SKIC3: variants seen among roughly 807,000 people sequenced by gnomAD.
SKIC3 encodes superkiller complex protein 3.
chr5:95,495,095 T>G, the SKIC3 span: 2 of 1,402,132 alleles, frequency 1.4e-6, no homozygotes, highest in East Asian at 2.3e-5. Context: ...TGATAAGACC[T>G]TTCCACTAAA....
the SKIC3 span, among the ~76,000 whole-genome samples, chr5:95,493,918 T>C: frequency 6.6e-6 from 1 of 152,122 alleles, no homozygotes; most frequent in Non-Finnish European, 1.5e-5. Context: ...CACGCTTAAG[T>C]AACATTCCTC....
chr5:95,498,627 C>CA, the SKIC3 span: 2 of 1,354,596 alleles, frequency 1.5e-6, no homozygotes, highest in Non-Finnish European at 2.0e-6. Context: ...ATTAGTTAGT[C>CA]TTTTTTTTTT....
At chr5:95,532,069 C>T in the SKIC3 span, among the ~76,000 whole-genome samples, 6 of 152,102 alleles carry the variant, frequency 3.9e-5, no homozygotes, top group African/African-American at 1.4e-4. Flanking sequence ...TCAGTCTAAA[C>T]ACCCTGCCTC....
chr5:95,519,534 C>T, the SKIC3 span, among the ~76,000 whole-genome samples: 56 of 151,600 alleles, frequency 3.7e-4, no homozygotes, highest in Middle Eastern at 3.2e-3. Context: ...AGCAAAATTT[C>T]TAAAATTGAC....
At chr5:95,481,693 C>T in the SKIC3 span, among the ~76,000 whole-genome samples, 46 of 152,026 alleles carry the variant, frequency 3.0e-4, no homozygotes, top group African/African-American at 9.6e-4. Flanking sequence ...AGAAAACTTA[C>T]TCTAAGAAAG....
At chr5:95,543,232 G>T in the SKIC3 span, 2 of 1,613,920 alleles carry the variant, frequency 1.2e-6, no homozygotes, top group South Asian at 1.1e-5. Context: ...CTTTTTTATA[G>T]GCACTCTGGG....
chr5:95,468,115 T>G, the SKIC3 span: 1 of 1,202,610 alleles, frequency 8.3e-7, no homozygotes, highest in East Asian at 2.5e-5. Flanking sequence ...TTATGATTTT[T>G]TAATTCAGAT....
chr5:95,502,210 A>C, the SKIC3 span, among the ~76,000 whole-genome samples: 1 of 152,106 alleles, frequency 6.6e-6, no homozygotes, highest in African/African-American at 2.4e-5. Flanking sequence ...GGAGGCAAGG[A>C]TATAAGCTTT....
the SKIC3 span, chr5:95,516,390 T>C: frequency 9.3e-6 from 15 of 1,613,104 alleles, no homozygotes; most frequent in East Asian, 2.9e-4. Flanking sequence ...CACTCCCAAG[T>C]TGGTCCATGC....
the SKIC3 span, among the ~76,000 whole-genome samples, chr5:95,520,386 T>C: frequency 6.6e-6 from 1 of 150,592 alleles, no homozygotes; most frequent in African/African-American, 2.4e-5. Flanking sequence ...TCGGTTCCAA[T>C]TAAAGATACT....
chr5:95,516,343 A>G, the SKIC3 span: 1 of 1,612,620 alleles, frequency 6.2e-7, no homozygotes, highest in African/African-American at 1.3e-5. Flanking sequence ...CAGACAGGCA[A>G]CATATTTACC....
chr5:95,516,978 G>A, the SKIC3 span: 3 of 1,613,324 alleles, frequency 1.9e-6, no homozygotes, highest in Non-Finnish European at 1.7e-6. Flanking sequence ...TCTGCTAGAT[G>A]TTGTGCTTGG....
chr5:95,496,468 GGT>G, the SKIC3 span, among the ~76,000 whole-genome samples: 1 of 152,096 alleles, frequency 6.6e-6, no homozygotes, highest in African/African-American at 2.4e-5. Flanking sequence ...TAAGGTTCAA[GGT>G]GAATCAGAAT....
At chr5:95,497,752 T>G in the SKIC3 span, among the ~76,000 whole-genome samples, 22 of 152,234 alleles carry the variant, frequency 1.4e-4, no homozygotes, top group South Asian at 1.7e-3. Flanking sequence ...TTAAGGAAAT[T>G]TAACACACTG....
chr5:95,499,245 G>A, the SKIC3 span, among the ~76,000 whole-genome samples: 1 of 152,126 alleles, frequency 6.6e-6, no homozygotes, highest in African/African-American at 2.4e-5. Context: ...TGGATCATGA[G>A]GCAGAGTTCT....
the SKIC3 span, chr5:95,506,791 G>T: frequency 1.2e-6 from 1 of 844,924 alleles, no homozygotes; most frequent in Non-Finnish European, 1.9e-6. Flanking sequence ...ATAGGAAACT[G>T]TTAACAGAGC....
At chr5:95,484,705 T>A in the SKIC3 span, 1 of 1,614,096 alleles carries the variant, frequency 6.2e-7, no homozygotes, top group Non-Finnish European at 8.5e-7. Context: ...TGAGTTTCAA[T>A]GCACATTCCA....
the SKIC3 span, among the ~76,000 whole-genome samples, chr5:95,465,855 C>T: frequency 6.6e-5 from 10 of 152,238 alleles, no homozygotes; most frequent in Non-Finnish European, 1.2e-4. Flanking sequence ...GTTCACTATA[C>T]GAATATCTTT....
At chr5:95,486,751 T>A in the SKIC3 span, among the ~76,000 whole-genome samples, 1 of 152,160 alleles carries the variant, frequency 6.6e-6, no homozygotes, top group African/African-American at 2.4e-5. Context: ...CTCACTTACA[T>A]GTATCACATT....
Sources: gnomAD v4.1 joint callset for allele counts (sites outside exome capture counted in the v4.1 genomes callset) on GRCh38, gnomAD v4.1.1 for gene constraint, MANE v1.5 for transcripts, NCBI Gene and HGNC (gene_info 2026-07-23, HGNC 2026-07-21) for gene names.